PHKB: variants seen among roughly 807,000 people sequenced by gnomAD.
PHKB encodes the protein phosphorylase b kinase regulatory subunit beta.
A neutral mutation model predicts 152.1 loss-of-function variants in PHKB; 122 were observed. The ratio of observed to expected loss-of-function variants is 0.80; its 90% CI spans 0.69 to 0.93. PHKB has a LOEUF of 0.93. Ranked by LOEUF, PHKB falls within the 40% of genes least tolerant of loss-of-function variation. The probability of loss-of-function intolerance (pLI) is 0.00; values close to 1 mark genes in which losing one functional copy is unlikely to be tolerated. For synonymous variants in PHKB, 436 were observed against 464.9 expected, an observed-to-expected ratio of 0.94 and a Z score of 0.80; for missense variants, 1,304 against 1,328.4, an observed-to-expected ratio of 0.98 and a Z score of 0.29.
intron 4 of PHKB, chr16:47,505,516 G>A (rs1037727124): frequency 6.6e-6 from 1 of 152,276 alleles, no homozygotes; most frequent in Non-Finnish European, 1.5e-5. Flanking sequence ...ACTTGGATGA[G>A]AGAGAGCACA....
At position 47,503,006 on chromosome 16, in the gene PHKB, C is replaced by T. The variant is rs148782229; in HGVS notation, c.321C>T (p.Asp107=). ...LALAYRRIDD[D]KGRTHELEHS... Reference sequence around the variant, plus strand: ...TCTCACCCAGGCGAATTGATGATGACAAGGGAAGGACCCATGAGCTGGAGC... The same window carrying T: ...TCTCACCCAGGCGAATTGATGATGATAAGGGAAGGACCCATGAGCTGGAGC... The change falls in exon 4 of 31, where the codon GAC becomes GAT. Residue 107 remains aspartate (D), a synonymous_variant. Coordinates refer to ENST00000323584, the MANE Select transcript of PHKB (RefSeq NM_000293.3). The T allele has an allele frequency of 1.4e-5, 23 of 1,612,182 alleles. No homozygotes were observed. The African/African-American group carries it at 3.1e-4, about 22-fold the overall frequency.
intron 14 of PHKB, among the ~76,000 whole-genome samples, chr16:47,612,547 C>A (rs2151710163): frequency 6.6e-6 from 1 of 152,284 alleles, no homozygotes; most frequent in South Asian, 2.1e-4. Context: ...ATTCACTCTA[C>A]AGGTATGTTT....
At chr16:47,642,865 G>A (rs1445130913) in intron 16 of PHKB, among the ~76,000 whole-genome samples, 2 of 152,044 alleles carry the variant, frequency 1.3e-5, no homozygotes, top group South Asian at 2.1e-4. Flanking sequence ...TTAAACTCAC[G>A]CCCAGATGTA....
intron 1 of PHKB, chr16:47,464,171 G>A (rs780634234): frequency 2.9e-5 from 18 of 619,988 alleles, no homozygotes; most frequent in Non-Finnish European, 5.2e-5. Context: ...GGCCTATTGT[G>A]TTCTTCTCAT....
chr16:47,483,741 G>A (rs1335613342), intron 1 of PHKB, among the ~76,000 whole-genome samples: 1 of 152,162 alleles, frequency 6.6e-6, no homozygotes, highest in Non-Finnish European at 1.5e-5. Flanking sequence ...TTATAGTTAA[G>A]GTTATTGATG....
rs79410378 is a variant in PHKB at position 47,677,305 on chromosome 16, C to T, written c.2630+7888C>T. 4.7e-3 allele frequency among the ~76,000 whole-genome samples: 720 copies of T among 152,306 alleles called. 17 individuals carry two copies. The highest frequency in any genetic ancestry group is 0.033 in the Admixed American group (509 of 15,304). Reference sequence around the variant, plus strand: ...CAGTTTGCCTCATCAAATTGTATTCCTCTCCATATTAATATGAATCAAGCA... The same window carrying T: ...CAGTTTGCCTCATCAAATTGTATTCTTCTCCATATTAATATGAATCAAGCA... On this transcript the variant is annotated intron_variant, in intron 26 of 30. Coordinates refer to ENST00000323584, the MANE Select transcript of PHKB (RefSeq NM_000293.3).
intron 1 of PHKB, among the ~76,000 whole-genome samples, chr16:47,467,598 A>G (rs1429959601): frequency 1.3e-5 from 2 of 152,190 alleles, no homozygotes; most frequent in Admixed American, 6.5e-5. Context: ...ACCTCTTACT[A>G]GGACCTGCCC....
intron 13 of PHKB, chr16:47,598,668 C>T (rs1246894645): frequency 2.0e-6 from 3 of 1,536,018 alleles, no homozygotes; most frequent in Non-Finnish European, 2.7e-6. Flanking sequence ...TTGGCCATTT[C>T]CACTGATCGG....
At chr16:47,498,629 G>C (rs1970272729) in intron 2 of PHKB, among the ~76,000 whole-genome samples, 1 of 152,200 alleles carries the variant, frequency 6.6e-6, no homozygotes. Flanking sequence ...GGCTAGGTGT[G>C]ATCTCTCATG....
chr16:47,649,513 T>G (rs1296277869), intron 18 of PHKB, among the ~76,000 whole-genome samples: 1 of 152,214 alleles, frequency 6.6e-6, no homozygotes, highest in African/African-American at 2.4e-5. Context: ...TATGTCTTTT[T>G]GAACAAAAGG....
chr16:47,621,611 C>G (rs1376986284), intron 14 of PHKB, among the ~76,000 whole-genome samples: 2 of 152,194 alleles, frequency 1.3e-5, no homozygotes, highest in Admixed American at 6.5e-5. Context: ...AACAACTTCA[C>G]TAGCTTGGCA....
chr16:47,538,109 G>A (rs1970985906), intron 6 of PHKB, among the ~76,000 whole-genome samples: 1 of 152,030 alleles, frequency 6.6e-6, no homozygotes, highest in Non-Finnish European at 1.5e-5. Flanking sequence ...TGCCTAGGCT[G>A]GTCTTGAACT....
intron 7 of PHKB, chr16:47,566,554 A>T: frequency 6.3e-7 from 1 of 1,583,114 alleles, no homozygotes; most frequent in Non-Finnish European, 8.6e-7. Flanking sequence ...CCTCTAAAGA[A>T]TTCTTTAATG....
chr16:47,619,610 A>G (rs992076669), intron 14 of PHKB, among the ~76,000 whole-genome samples: 60 of 152,136 alleles, frequency 3.9e-4, no homozygotes, highest in African/African-American at 1.2e-3. Context: ...ATTCACCCTA[A>G]CTTGTTCCTG....
intron 14 of PHKB, among the ~76,000 whole-genome samples, chr16:47,626,537 GA>G (rs1405041172): frequency 6.6e-6 from 1 of 152,152 alleles, no homozygotes; most frequent in East Asian, 1.9e-4. Flanking sequence ...CTCCTAAGTG[GA>G]ATGCTGCACT....
At chr16:47,482,699 A>G (rs1184501392) in intron 1 of PHKB, among the ~76,000 whole-genome samples, 2 of 152,222 alleles carry the variant, frequency 1.3e-5, no homozygotes, top group Non-Finnish European at 2.9e-5. Context: ...CATCTTTATC[A>G]GTATAATAAC....
intron 24 of PHKB, chr16:47,664,111 G>T (rs1415335680): frequency 4.8e-6 from 1 of 209,044 alleles, no homozygotes; most frequent in Non-Finnish European, 9.6e-6. Flanking sequence ...CTAATCATAA[G>T]CAAAAATAGT....
chr16:47,675,355 A>G (rs928159060), intron 26 of PHKB, among the ~76,000 whole-genome samples: 4 of 152,122 alleles, frequency 2.6e-5, no homozygotes, highest in African/African-American at 9.7e-5. Flanking sequence ...GAGCTTCAAC[A>G]TTATCACTGT....
chr16:47,661,808 T>C lies in PHKB; in HGVS notation c.2278+8T>C. 1 of 1,586,712 alleles carries C rather than the reference T, an allele frequency of 6.3e-7. No homozygotes were observed. Among genetic ancestry groups the C allele is most frequent in the South Asian group, 1.1e-5 (1 of 90,570 alleles). ...ACTTCATCACAAAGGAAGGTAAGCA[T>C]GCATGTCTAGGAGAACATTTTAAGA... On this transcript the variant is annotated splice_region_variant and intron_variant, in intron 23 of 30. Transcript: ENST00000323584.
Sources: gnomAD v4.1 joint callset for allele counts (sites outside exome capture counted in the v4.1 genomes callset) on GRCh38, gnomAD v4.1.1 for gene constraint, MANE v1.5 for transcripts, NCBI Gene and HGNC (gene_info 2026-07-23, HGNC 2026-07-21) for gene names.